Variants in STK10 observed in about 807,000 individuals in gnomAD.
STK10 encodes serine/threonine kinase 10.
A neutral mutation model predicts 113.8 loss-of-function variants in STK10; 78 were observed. That is an observed-to-expected ratio of 0.69 (90% CI 0.57 to 0.83). The LOEUF (loss-of-function observed/expected upper bound fraction) is 0.83. Ranked by LOEUF, STK10 falls within the 40% of genes least tolerant of loss-of-function variation. STK10 has a pLI of 0.00. For missense variants in STK10, 1,109 were observed against 1,280.1 expected (o/e 0.87, Z 2.04); for synonymous variants, 465 against 494.7 (o/e 0.94, Z 0.80).
chr5:172,078,933 C>A (rs546902724), intron 12 of STK10, among the ~76,000 whole-genome samples: 1 of 148,050 alleles, frequency 6.8e-6, no homozygotes, highest in East Asian at 2.0e-4. Flanking sequence ...CCTCTCTCTC[C>A]CACTCTTATA....
At chr5:172,073,671 G>C (rs942058319) in intron 12 of STK10, among the ~76,000 whole-genome samples, 9 of 151,842 alleles carry the variant, frequency 5.9e-5, no homozygotes, top group African/African-American at 2.2e-4. Context: ...TCAAGGCCGG[G>C]AGCAGTGGCT....
chr5:172,067,004 C>T (rs1453297955), intron 12 of STK10, among the ~76,000 whole-genome samples: 1 of 152,166 alleles, frequency 6.6e-6, no homozygotes, highest in Non-Finnish European at 1.5e-5. Context: ...CAAAAAACAT[C>T]TACATTCTTC....
chr5:172,052,903 G>C (rs756895123), intron 18 of STK10, 26 bp downstream of exon 18: 2 of 1,611,088 alleles, frequency 1.2e-6, no homozygotes, highest in Non-Finnish European at 1.7e-6. Flanking sequence ...GCCCGAGACT[G>C]AGCCCACCAG....
chr5:172,156,911 A>C (rs1203957398), intron 1 of STK10, 123 bp from the exon 2 acceptor site: 1 of 1,122,010 alleles, frequency 8.9e-7, no homozygotes, highest in Non-Finnish European at 1.3e-6. Flanking sequence ...GCTGAACCGG[A>C]ACGTACATTG....
chr5:172,143,622 T>G (rs1770022256), intron 2 of STK10, among the ~76,000 whole-genome samples: 1 of 152,204 alleles, frequency 6.6e-6, no homozygotes, highest in Non-Finnish European at 1.5e-5. Flanking sequence ...CATCCTTCTG[T>G]GGGGCTGTCC....
Position 172,098,676 on chromosome 5 carries a change from G to C in STK10, c.871-2116C>G, listed in dbSNP as rs189924241. On this transcript the variant is annotated intron_variant, in intron 7 of 18. Transcript: ENST00000176763. ...CGTTAAGGGTTTACTAATCATAGGAGGCAAAGTAGCATGCAGTTAAGAGTG... is the reference window on the plus strand; with the variant it reads ...CGTTAAGGGTTTACTAATCATAGGACGCAAAGTAGCATGCAGTTAAGAGTG... Among the ~76,000 whole-genome samples the C allele has an allele frequency of 9.3e-4, 142 of 152,286 alleles. 3 individuals carry two copies. The highest frequency in any genetic ancestry group is 9.3e-3 in the Admixed American group (142 of 15,294).
intron 15 of STK10, among the ~76,000 whole-genome samples, chr5:172,056,685 G>C (rs572942635): frequency 6.6e-6 from 1 of 150,416 alleles, no homozygotes; most frequent in Non-Finnish European, 1.5e-5. Context: ...CTGGCCAACA[G>C]GGTGAAAGCC....
intron 7 of STK10, among the ~76,000 whole-genome samples, chr5:172,104,613 G>A (rs919277221): frequency 6.6e-6 from 1 of 152,188 alleles, no homozygotes; most frequent in Admixed American, 6.5e-5. Context: ...CCCAGGACCT[G>A]GCTCTGGCTT....
intron 6 of STK10, 23 bp downstream of exon 6, chr5:172,106,597 G>A (rs1769115767): frequency 6.2e-7 from 1 of 1,604,648 alleles, no homozygotes; most frequent in Non-Finnish European, 8.5e-7. Context: ...ACCCCGGCAG[G>A]TGGCCCTGCC....
intron 2 of STK10, among the ~76,000 whole-genome samples, chr5:172,131,158 C>A (rs13153313): frequency 3.3e-5 from 5 of 151,790 alleles, no homozygotes; most frequent in Non-Finnish European, 5.9e-5. Flanking sequence ...CTCAGCCTCC[C>A]GAGTAGCTGG....
chr5:172,069,601 C>CAAAT (rs1404773512), intron 12 of STK10, among the ~76,000 whole-genome samples: 1 of 151,896 alleles, frequency 6.6e-6, no homozygotes, highest in East Asian at 1.9e-4. Flanking sequence ...AGAAAATAAA[C>CAAAT]AAATAAATAA....
At chr5:172,176,936 G>A (rs1172284981) in intron 1 of STK10, among the ~76,000 whole-genome samples, 1 of 152,222 alleles carries the variant, frequency 6.6e-6, no homozygotes, top group Non-Finnish European at 1.5e-5. Flanking sequence ...CACTCTGGGA[G>A]GCCGAGGCGA....
intron 1 of STK10, among the ~76,000 whole-genome samples, chr5:172,185,990 C>G (rs1225871862): frequency 6.6e-6 from 1 of 152,016 alleles, no homozygotes; most frequent in East Asian, 1.9e-4. Flanking sequence ...AAACAGGCAC[C>G]AGGCCAGGCA....
At chr5:172,118,391 A>C (rs1008886233) in intron 3 of STK10, among the ~76,000 whole-genome samples, 3 of 152,204 alleles carry the variant, frequency 2.0e-5, no homozygotes, top group African/African-American at 7.2e-5. Context: ...GGTGAGTGAC[A>C]CTTGGAACAG....
intron 2 of STK10, among the ~76,000 whole-genome samples, chr5:172,145,191 C>T (rs1233338841): frequency 6.6e-6 from 1 of 152,178 alleles, no homozygotes; most frequent in African/African-American, 2.4e-5. Flanking sequence ...GGCCACTGTT[C>T]TCTAAAGCCA....
At chr5:172,173,727 G>A (rs1770703517) in intron 1 of STK10, among the ~76,000 whole-genome samples, 1 of 152,196 alleles carries the variant, frequency 6.6e-6, no homozygotes, top group Non-Finnish European at 1.5e-5. Context: ...GGCAAGGGAG[G>A]AGTTCAGGGC....
intron 3 of STK10, among the ~76,000 whole-genome samples, chr5:172,124,657 T>C (rs1188750105): frequency 1.3e-5 from 2 of 152,160 alleles, no homozygotes; most frequent in Non-Finnish European, 2.9e-5. Flanking sequence ...GTTTGGATCA[T>C]AATCCTAAAA....
chr5:172,088,542 T>C (rs1768620937), intron 10 of STK10, among the ~76,000 whole-genome samples: 1 of 152,106 alleles, frequency 6.6e-6, no homozygotes, highest in Non-Finnish European at 1.5e-5. Flanking sequence ...AATAAATACA[T>C]AAAATTAAAA....
At chr5:172,186,949 AAGG>A (rs1452304855) in intron 1 of STK10, among the ~76,000 whole-genome samples, 1 of 152,076 alleles carries the variant, frequency 6.6e-6, no homozygotes, top group African/African-American at 2.4e-5. Flanking sequence ...CAGGAGCCCC[AAGG>A]AGGAGGATAG....
Sources: gnomAD v4.1 joint callset for allele counts (sites outside exome capture counted in the v4.1 genomes callset) on GRCh38, gnomAD v4.1.1 for gene constraint, MANE v1.5 for transcripts, NCBI Gene and HGNC (gene_info 2026-07-23, HGNC 2026-07-21) for gene names.